The following TTLL11 variants were observed in gnomAD, a reference collection of about 807,000 sequenced individuals.
TTLL11 encodes the protein tubulin tyrosine ligase like 11, also known as tubulin polyglutamylase TTLL11.
A neutral mutation model predicts 51.7 loss-of-function variants in TTLL11; 42 were observed. The ratio of observed to expected loss-of-function variants is 0.81; its 90% CI spans 0.64 to 1.05. TTLL11 has a LOEUF of 1.05. Among genes scored for constraint, TTLL11 ranks in the 50% least tolerant of loss-of-function variants. TTLL11 has a pLI of 0.00. For missense variants in TTLL11, 799 were observed against 940.4 expected, an observed-to-expected ratio of 0.85 and a Z score of 1.97; for synonymous variants, 381 against 383.5, an observed-to-expected ratio of 0.99 and a Z score of 0.08.
chr9:121,863,026 C>T (rs1270823646), intron 7 of TTLL11, among the ~76,000 whole-genome samples: 1 of 152,138 alleles, frequency 6.6e-6, no homozygotes, highest in Non-Finnish European at 1.5e-5. Context: ...AGCACACTTT[C>T]TTGCCCCCTT....
At chr9:121,839,347 G>A (rs1052069623) in intron 8 of TTLL11, among the ~76,000 whole-genome samples, 1 of 152,148 alleles carries the variant, frequency 6.6e-6, no homozygotes, top group African/African-American at 2.4e-5. Context: ...ATCCACTTAG[G>A]GTAGAAAAAA....
chr9:121,905,104 C>A (rs1564298267), intron 6 of TTLL11, among the ~76,000 whole-genome samples: 1 of 152,106 alleles, frequency 6.6e-6, no homozygotes, highest in African/African-American at 2.4e-5. Flanking sequence ...ATCCAAGTTG[C>A]GGGGGTTCTC....
chr9:121,869,636 T>C (rs1838284862), intron 7 of TTLL11, among the ~76,000 whole-genome samples: 1 of 152,254 alleles, frequency 6.6e-6, no homozygotes, highest in South Asian at 2.1e-4. Flanking sequence ...TATAATTTCA[T>C]AGAATTCTTT....
At chr9:121,901,185 T>G (rs1026310891) in intron 6 of TTLL11, among the ~76,000 whole-genome samples, 2 of 152,240 alleles carry the variant, frequency 1.3e-5, no homozygotes, top group Non-Finnish European at 2.9e-5. Flanking sequence ...TGTATACTGA[T>G]TTAGTATCCT....
At chr9:121,918,818 C>A (rs990203212) in intron 6 of TTLL11, among the ~76,000 whole-genome samples, 5 of 152,186 alleles carry the variant, frequency 3.3e-5, no homozygotes, top group Non-Finnish European at 5.9e-5. Context: ...AACCCAACAA[C>A]ACAGATGAAT....
chr9:122,087,736 G>A (rs1385239754), intron 1 of TTLL11, among the ~76,000 whole-genome samples: 1 of 152,160 alleles, frequency 6.6e-6, no homozygotes, highest in Non-Finnish European at 1.5e-5. Context: ...CATGAGGGTA[G>A]CAAAATGACA....
intron 1 of TTLL11, among the ~76,000 whole-genome samples, chr9:122,066,720 T>A (rs750031213): frequency 6.6e-6 from 1 of 152,126 alleles, no homozygotes; most frequent in Non-Finnish European, 1.5e-5. Context: ...ATCCCCTAAT[T>A]AAGTCCAGAG....
chr9:121,962,531 C>T (rs1297573963), intron 6 of TTLL11, among the ~76,000 whole-genome samples: 2 of 152,240 alleles, frequency 1.3e-5, no homozygotes, highest in Admixed American at 1.3e-4. Flanking sequence ...TCCCAGCCAA[C>T]TATTAGGTTA....
chr9:122,037,940 T>A (rs911960059), intron 2 of TTLL11, among the ~76,000 whole-genome samples: 5 of 152,130 alleles, frequency 3.3e-5, no homozygotes, highest in African/African-American at 4.8e-5. Context: ...GGCTATTGTG[T>A]TTTCTGCAAT....
rs562465783 is a variant in TTLL11, at chr9:121,828,997, A to C, written c.1841-6118T>G. On this transcript the variant is annotated intron_variant, in intron 8 of 8. Coordinates refer to ENST00000321582, the MANE Select transcript of TTLL11 (RefSeq NM_001139442.2). ...TTTTGAAACGGAGTCTCGCTCTGTC[A>C]CCCAGGCTGGAGTGCAGTGGCATGA... Among the ~76,000 whole-genome samples, 4 of 151,134 alleles carry C rather than the reference A, an allele frequency of 2.6e-5. No individual in the cohort carries two copies. The East Asian group carries it at 7.8e-4, about 30-fold the overall frequency.
intron 8 of TTLL11, among the ~76,000 whole-genome samples, chr9:121,858,935 C>T (rs769269903): frequency 3.7e-4 from 56 of 152,330 alleles, no homozygotes; most frequent in Middle Eastern, 3.4e-3. Flanking sequence ...CCTCACGACC[C>T]GGTGCCTCCC....
At chr9:121,986,436 AACTT>A (rs1306982113) in intron 4 of TTLL11, among the ~76,000 whole-genome samples, 2 of 152,138 alleles carry the variant, frequency 1.3e-5, no homozygotes, top group Non-Finnish European at 2.9e-5. Context: ...TCCACGTTGC[AACTT>A]ATCTCCTTGA....
intron 8 of TTLL11, among the ~76,000 whole-genome samples, chr9:121,857,093 G>A (rs1477467640): frequency 2.0e-5 from 3 of 152,166 alleles, no homozygotes; most frequent in African/African-American, 7.2e-5. Context: ...CCCATGTGTG[G>A]CTTTCATGCC....
chr9:121,864,282 G>A (rs1018999407), intron 7 of TTLL11, among the ~76,000 whole-genome samples: 3 of 152,156 alleles, frequency 2.0e-5, no homozygotes, highest in Non-Finnish European at 4.4e-5. Context: ...CTTAGAGTCT[G>A]GGGTAAAAAT....
chr9:122,082,872 A>T (rs1029075669), intron 1 of TTLL11, among the ~76,000 whole-genome samples: 48 of 152,152 alleles, frequency 3.2e-4, no homozygotes, highest in African/African-American at 1.1e-3. Context: ...ACAAAAAAAT[A>T]TAAAAAATTA....
intron 1 of TTLL11, among the ~76,000 whole-genome samples, chr9:122,064,232 T>C (rs1845511353): frequency 6.6e-6 from 1 of 152,030 alleles, no homozygotes; most frequent in Non-Finnish European, 1.5e-5. Context: ...TCAAGTAAAA[T>C]TATTAAAGAC....
intron 6 of TTLL11, among the ~76,000 whole-genome samples, chr9:121,950,336 C>T (rs1410056245): frequency 6.6e-6 from 1 of 152,136 alleles, no homozygotes; most frequent in Non-Finnish European, 1.5e-5. Context: ...TCCCTAAGTG[C>T]CCACCACATC....
At chr9:121,945,038 T>C (rs1287649000) in intron 6 of TTLL11, among the ~76,000 whole-genome samples, 1 of 152,124 alleles carries the variant, frequency 6.6e-6, no homozygotes, top group African/African-American at 2.4e-5. Flanking sequence ...AACTAGTAAT[T>C]TTAGTAGCCC....
At chr9:121,933,614 A>G (rs1489252241) in intron 6 of TTLL11, among the ~76,000 whole-genome samples, 1 of 152,228 alleles carries the variant, frequency 6.6e-6, no homozygotes, top group East Asian at 1.9e-4. Context: ...CTCATTTAAA[A>G]ACAACAATAA....
Sources: gnomAD v4.1 joint callset for allele counts (sites outside exome capture counted in the v4.1 genomes callset) on GRCh38, gnomAD v4.1.1 for gene constraint, MANE v1.5 for transcripts, NCBI Gene and HGNC (gene_info 2026-07-23, HGNC 2026-07-21) for gene names.